Variants in ADAMTS19 observed in about 807,000 individuals in gnomAD.
ADAMTS19 encodes A disintegrin and metalloproteinase with thrombospondin motifs 19.
Under a neutral mutation model 153.3 loss-of-function variants are expected in ADAMTS19, and 93 were observed. That is an observed-to-expected ratio of 0.61 (90% CI 0.51 to 0.72). ADAMTS19 has a LOEUF of 0.72. Among genes scored for constraint, ADAMTS19 ranks in the 30% least tolerant of loss-of-function variants. The pLI is 0.00. For synonymous variants in ADAMTS19, 600 were observed against 556.6 expected (o/e 1.08, Z -1.10); for missense variants, 1,482 against 1,552.1 (o/e 0.95, Z 0.76).
chr5:129,552,504 C>G (rs1029095460), intron 7 of ADAMTS19, among the ~76,000 whole-genome samples: 6 of 151,424 alleles, frequency 4.0e-5, no homozygotes, highest in South Asian at 2.1e-4. Context: ...ATAAATGTAT[C>G]TATCCAAAGA....
chr5:129,489,970 C>G (rs1173145004), intron 2 of ADAMTS19, among the ~76,000 whole-genome samples: 1 of 152,090 alleles, frequency 6.6e-6, no homozygotes, highest in East Asian at 1.9e-4. Context: ...ATTTTCTGAA[C>G]TTTCAAAATG....
At chr5:129,699,185 G>A (rs1390473006) in intron 19 of ADAMTS19, among the ~76,000 whole-genome samples, 5 of 152,124 alleles carry the variant, frequency 3.3e-5, no homozygotes, top group Admixed American at 3.3e-4. Flanking sequence ...TCTTTAGGAG[G>A]CCAGAGCGGG....
chr5:129,583,991 A>C (rs1310619463), intron 7 of ADAMTS19, among the ~76,000 whole-genome samples: 1 of 152,038 alleles, frequency 6.6e-6, no homozygotes, highest in Non-Finnish European at 1.5e-5. Context: ...GAGAAGAGGC[A>C]TTCTGGTTTT....
At chr5:129,484,568 T>C (rs191779556) in intron 2 of ADAMTS19, among the ~76,000 whole-genome samples, 1 of 152,332 alleles carries the variant, frequency 6.6e-6, no homozygotes, top group Admixed American at 6.5e-5. Flanking sequence ...TAAGGTTTGT[T>C]CAGGTGGATG....
intron 10 of ADAMTS19, among the ~76,000 whole-genome samples, chr5:129,630,005 A>G (rs1215776325): frequency 6.6e-6 from 1 of 152,144 alleles, no homozygotes; most frequent in Non-Finnish European, 1.5e-5. Context: ...AACTAGGCAC[A>G]CTATGAATTG....
In ADAMTS19 at chr5:129,518,143, TACTG is replaced by T. The variant is rs1188476122; in HGVS notation, c.914-8137_914-8134del. On this transcript the variant is annotated intron_variant, in intron 3 of 22. Transcript: ENST00000274487. ...TTTTTTGTTTCTATTTATATCTTTG[TACTG>T]ACTATGTCTTGAAAAGTTTTTATAG... is the stretch of plus-strand genomic sequence containing the variant. Among the ~76,000 whole-genome samples, 17 of 152,254 alleles carry T rather than the reference TACTG, an allele frequency of 1.1e-4. No individual in the cohort carries two copies. The East Asian group carries it at 1.7e-3, about 16-fold the overall frequency.
intron 21 of ADAMTS19, among the ~76,000 whole-genome samples, chr5:129,718,603 T>C (rs908034179): frequency 3.3e-5 from 5 of 152,160 alleles, no homozygotes; most frequent in African/African-American, 1.2e-4. Flanking sequence ...GCCAAACATA[T>C]ACATAAATGA....
At chr5:129,486,932 A>T (rs929779692) in intron 2 of ADAMTS19, among the ~76,000 whole-genome samples, 1 of 152,228 alleles carries the variant, frequency 6.6e-6, no homozygotes, top group African/African-American at 2.4e-5. Context: ...ATGCCGGTTC[A>T]TCAGAAATAA....
At chr5:129,680,781 A>T (rs1581220319) in intron 17 of ADAMTS19, among the ~76,000 whole-genome samples, 1 of 151,768 alleles carries the variant, frequency 6.6e-6, no homozygotes, top group East Asian at 1.9e-4. Context: ...AAAAACAAAA[A>T]AAAAAACTGG....
chr5:129,647,690 A>G (rs1753128517), intron 11 of ADAMTS19, 75 bp from the exon 12 acceptor site: 2 of 1,521,450 alleles, frequency 1.3e-6, no homozygotes, highest in Non-Finnish European at 1.8e-6. Context: ...TTGCAATTCC[A>G]GTGACATTAT....
Position 129,461,031 on chromosome 5 carries a change from A to C in ADAMTS19, c.92-71A>C, listed in dbSNP as rs1749631432. The stretch of plus-strand genomic sequence containing the variant: ...GAGCGCCCTGTATCTATGGACTGTG[A>C]GCTTGGAAATGTTTGTGCTACTGGA... On this transcript the variant is annotated intron_variant, in intron 1 of 22. Coordinates refer to ENST00000274487, the MANE Select transcript of ADAMTS19 (RefSeq NM_133638.6). This position sits in a 1 kb window ranked among gnomAD's most constrained non-coding sequence, Gnocchi z 4.6. 1 of 1,280,336 alleles carries C rather than the reference A, an allele frequency of 7.8e-7. No individual in the cohort carries two copies. The highest frequency in any genetic ancestry group is 3.9e-5 in the Admixed American group (1 of 25,354). The allele number at this position is 1,280,336 out of a possible 1,614,324, so 79.3% of individuals were successfully genotyped here. A position where few individuals can be genotyped will look rare whatever the true frequency, so the allele number is the denominator to read the frequency against.
chr5:129,702,939 A>AATATATATATATATATAT (rs1554108004), intron 20 of ADAMTS19, among the ~76,000 whole-genome samples: 1 of 14,222 alleles, frequency 7.0e-5, no homozygotes, highest in African/African-American at 1.7e-4. Context: ...CAAAAAAAAA[A>AATATATATATATATATAT]AAATATATAT....
intron 13 of ADAMTS19, among the ~76,000 whole-genome samples, chr5:129,653,526 T>C (rs985330993): frequency 1.2e-4 from 18 of 152,314 alleles, no homozygotes; most frequent in African/African-American, 4.3e-4. Flanking sequence ...ATTATTTACC[T>C]GGAATAAAAG....
At chr5:129,676,812 T>G (rs762231598) in intron 16 of ADAMTS19, among the ~76,000 whole-genome samples, 1 of 152,230 alleles carries the variant, frequency 6.6e-6, no homozygotes, top group Non-Finnish European at 1.5e-5. Flanking sequence ...TATTAAATGG[T>G]GTGGATTTGA....
chr5:129,540,942 C>T (rs1375734811), intron 6 of ADAMTS19, among the ~76,000 whole-genome samples: 1 of 151,942 alleles, frequency 6.6e-6, no homozygotes, highest in Non-Finnish European at 1.5e-5. Flanking sequence ...AATTTGAATC[C>T]ACATGATCAA....
intron 8 of ADAMTS19, among the ~76,000 whole-genome samples, chr5:129,601,657 G>C (rs1366432399): frequency 2.0e-5 from 3 of 152,174 alleles, no homozygotes; most frequent in African/African-American, 7.2e-5. Flanking sequence ...GGAGACACCA[G>C]GCTCAAGCTT....
chr5:129,594,593 T>C (rs1261410349), intron 7 of ADAMTS19, among the ~76,000 whole-genome samples: 2 of 152,132 alleles, frequency 1.3e-5, no homozygotes, highest in African/African-American at 4.8e-5. Context: ...TTTTCTTTCT[T>C]CCTGCCTTCT....
chr5:129,582,595 C>T (rs540536632), intron 7 of ADAMTS19, among the ~76,000 whole-genome samples: 167 of 152,030 alleles, frequency 1.1e-3, no homozygotes, highest in African/African-American at 1.1e-3. Context: ...TTTTTTGAGA[C>T]GGAGTCTCAC....
At chr5:129,507,630 C>T (rs978864022) in intron 2 of ADAMTS19, among the ~76,000 whole-genome samples, 7 of 151,070 alleles carry the variant, frequency 4.6e-5, no homozygotes, top group African/African-American at 1.5e-4. Context: ...TTAATTATCC[C>T]TACCCCTGAA....
Sources: gnomAD v4.1 joint callset for allele counts (sites outside exome capture counted in the v4.1 genomes callset) on GRCh38, gnomAD v4.1.1 for gene constraint, Gnocchi (gnomAD v3.1) non-coding constraint, MANE v1.5 for transcripts, NCBI Gene and HGNC (gene_info 2026-07-23, HGNC 2026-07-21) for gene names.